CBARP: variants seen among roughly 807,000 people sequenced by gnomAD.
CBARP encodes CACN subunit beta associated regulatory protein.
In CBARP, 24 loss-of-function variants were observed where a neutral mutation model predicts 36.3. The ratio of observed to expected loss-of-function variants is 0.66; its 90% CI spans 0.48 to 0.93. The LOEUF is 0.93. CBARP is among the 40% of genes least tolerant of loss of function. CBARP has a pLI of 0.00. For synonymous variants in CBARP, 586 were observed against 453.2 expected (o/e 1.29, Z -3.72); for missense variants, 1,146 against 980.4 (o/e 1.17, Z -2.26).
At chr19:1,231,570 C>A (rs1308861030) in intron 8 of CBARP, among the ~76,000 whole-genome samples, 2 of 93,216 alleles carry the variant, frequency 2.1e-5, no homozygotes, top group Non-Finnish European at 2.3e-5. Flanking sequence ...GTGCCCCCCC[C>A]ACAGAACGCC....
At chr19:1,234,864 A>T (rs1488448378) in intron 5 of CBARP, 122 bp from the exon 6 acceptor site, 2 of 1,499,754 alleles carry the variant, frequency 1.3e-6, no homozygotes, top group South Asian at 2.6e-5. Context: ...CAACTGGCCA[A>T]GGCCGCCCCA....
At position 1,231,106 on chromosome 19, in the gene CBARP, G is replaced by A. The variant is rs758299866; in HGVS notation, c.1149C>T (p.Leu383=). 46 of 1,597,078 alleles carry A rather than the reference G, an allele frequency of 2.9e-5. No individual in the cohort carries two copies. Among genetic ancestry groups the A allele is most frequent in the Non-Finnish European group, 3.9e-5 (46 of 1,170,844 alleles). The change falls in exon 9 of 10, where the codon CTC becomes CTT. Residue 383 remains leucine, a synonymous_variant. Transcript: ENST00000650044. The part of the protein sequence containing the change: ...RPFLASPPPA[L]GRLEAAEAAG... ...CTCCATCTACTGAAAAATACCTGCC[G>A]AGAGCAGGGGGCGGGCTGGCCAGAA... is the stretch of plus-strand genomic sequence containing the variant.
intron 8 of CBARP, among the ~76,000 whole-genome samples, chr19:1,233,142 C>T (rs2080915833): frequency 6.6e-6 from 1 of 152,360 alleles, no homozygotes; most frequent in African/African-American, 2.4e-5. Flanking sequence ...ACCACCTCAT[C>T]CTGGATGCCC....
chr19:1,236,326 A>G lies in CBARP; in HGVS notation c.-21-205T>C, dbSNP rs563247509. ...GGCTCTCTCTGGACCTCCATCTCCC[A>G]TCCCCATGGCGGGGGAGGAGGCCTG... On this transcript the variant is annotated intron_variant, in intron 1 of 9. Coordinates refer to ENST00000650044, the MANE Select transcript of CBARP (RefSeq NM_001393918.1). Among the ~76,000 whole-genome samples, 433 of 152,258 alleles carry G rather than the reference A, an allele frequency of 2.8e-3. 1 individual carries two copies. Among genetic ancestry groups the G allele is most frequent in the Admixed American group, 4.0e-3 (61 of 15,304 alleles).
chr19:1,235,638 C>T (rs2080958829), intron 3 of CBARP, 73 bp from the exon 4 acceptor site: 5 of 1,583,290 alleles, frequency 3.2e-6, no homozygotes, highest in Non-Finnish European at 4.3e-6. Context: ...GCTCTTTGCC[C>T]CAAGCCAAGC....
rs199767020 is a variant in CBARP at position 1,236,064 on chromosome 19, T to C, written c.37A>G (p.Thr13Ala). Residue 13 changes from threonine to alanine, a missense_variant, in exon 2 of 10, where the codon ACC (threonine) becomes GCC (alanine). Physicochemically the swap from Thr to Ala is moderately conservative, Grantham distance 58 (BLOSUM62 0). Coordinates refer to ENST00000650044, the MANE Select transcript of CBARP (RefSeq NM_001393918.1). ...ACTGTGGCAGTGGTGGTGGTGGTGG[T>C]GGTGGCGGCTGTGGCCATGGTGGCT... ...PTATMATAATTTTTTTATVAL... is the reference protein window; with the variant it reads ...PTATMATAATATTTTTATVAL... 5.3e-6 allele frequency: 8 copies of C among 1,510,794 alleles called. 1 individual carries two copies. Among genetic ancestry groups the C allele is most frequent in the Admixed American group, 4.3e-5 (2 of 46,028 alleles). The allele number at this position is 1,510,794 out of a possible 1,614,324, so 93.6% of individuals were successfully genotyped here. A position where few individuals can be genotyped will look rare whatever the true frequency, so the allele number is the denominator to read the frequency against.
rs8110590 is a variant in CBARP at position 1,231,143 on chromosome 19, T to A, written c.1112A>T (p.His371Leu). ...CGGGCTGGCCAGAAAGGGGCGGGGGTGCGGGAAGGCCACGGCGTCGCCCGC... is the reference window on the plus strand; with the variant it reads ...CGGGCTGGCCAGAAAGGGGCGGGGGAGCGGGAAGGCCACGGCGTCGCCCGC... ...ARAGDAVAFP[H>L]PRPFLASPPP... The change falls in exon 9 of 10, where the codon CAC becomes CTC. Residue 371 changes from histidine to leucine, a missense_variant. Physicochemically the swap from His to Leu is moderately conservative, Grantham distance 99. Coordinates refer to ENST00000650044, the MANE Select transcript of CBARP (RefSeq NM_001393918.1). The A allele has an allele frequency of 1.9e-6, 3 of 1,597,574 alleles. No individual in the cohort carries two copies. The highest frequency in any genetic ancestry group is 2.6e-6 in the Non-Finnish European group (3 of 1,172,134).
Position 1,229,790 on chromosome 19 carries a change from T to A in CBARP, c.1507A>T (p.Ser503Cys), listed in dbSNP as rs1220416554. The change falls in exon 10 of 10, where the codon AGT becomes TGT. Residue 503 changes from serine to cysteine, a missense_variant. By Grantham distance (112) the Ser-to-Cys change is moderately radical (BLOSUM62 -1). Transcript: ENST00000650044. This position sits in a 1 kb window ranked among gnomAD's most constrained non-coding sequence, Gnocchi z 5.1. ...GEARRLLQMD[S>C]GYASIEGRGA... is the part of the protein sequence containing the mutation. Reference sequence around the variant, plus strand: ...CGGCCCTCGATGCTGGCGTAGCCACTGTCCATCTGCAGCAGCCGGCGCGCC... The same window carrying A: ...CGGCCCTCGATGCTGGCGTAGCCACAGTCCATCTGCAGCAGCCGGCGCGCC... 9.8e-7 allele frequency: 1 copy of A among 1,016,038 alleles called. No individual in the cohort carries two copies. The allele number at this position is 1,016,038 out of a possible 1,614,324, so 62.9% of individuals were successfully genotyped here. A position where few individuals can be genotyped will look rare whatever the true frequency, so the allele number is the denominator to read the frequency against.
rs1267044881 is a variant in CBARP at position 1,228,326 on chromosome 19, C to A, written c.*853G>T. 3.9e-6 allele frequency: 1 copy of A among 256,166 alleles called. No individual in the cohort carries two copies. The allele number at this position is 256,166 out of a possible 1,614,324, so 15.9% of individuals were successfully genotyped here. ...TTATATCATCCAGAAAAGAAAAACA[C>A]GAGAAACGCCATCGCGGGATGGTGC... On this transcript the variant is annotated 3_prime_UTR_variant, in exon 10 of 10. Transcript: ENST00000650044.
At position 1,235,528 on chromosome 19, in the gene CBARP, G is replaced by C; in HGVS notation, c.283C>G (p.Leu95Val). 1 of 1,605,778 alleles carries C rather than the reference G, an allele frequency of 6.2e-7. No homozygotes were observed. Among genetic ancestry groups the C allele is most frequent in the Non-Finnish European group, 8.5e-7 (1 of 1,176,966 alleles). The change falls in exon 4 of 10, where the codon CTG (leucine) becomes GTG (valine). Residue 95 changes from leucine to valine, a missense_variant. By Grantham distance (32) the Leu-to-Val change is conservative. Transcript: ENST00000650044. ...TGGGCTGGGTGGGTGCCGTTGTCCA[G>C]GTAGGTGGTGGTGGTCTTCTCCGCT... ...EEAEKTTTTY[L>V]DNGTHPAQDP...
Position 1,229,212 on chromosome 19 carries a change from G to A in CBARP, c.2085C>T (p.Ala695=). The stretch of plus-strand genomic sequence containing the variant: ...GGCTGTGGTCGGGGGACGTGGGGGC[G>A]GCGGCGACCAACGCGGGAGTCGCCA... ...PVVATPALVA[A]APTSPDHSPA is the part of the protein sequence containing the mutation. The change falls in exon 10 of 10, where the codon GCC becomes GCT. Residue 695 remains alanine (A), a synonymous_variant. Coordinates refer to ENST00000650044, the MANE Select transcript of CBARP (RefSeq NM_001393918.1). This position sits in a 1 kb window ranked among gnomAD's most constrained non-coding sequence, Gnocchi z 5.1. The A allele has an allele frequency of 2.5e-6, 3 of 1,210,544 alleles. No homozygotes were observed. Among genetic ancestry groups the A allele is most frequent in the South Asian group, 1.4e-5 (1 of 72,412 alleles). The allele number at this position is 1,210,544 out of a possible 1,614,324, so 75.0% of individuals were successfully genotyped here. A position where few individuals can be genotyped will look rare whatever the true frequency, so the allele number is the denominator to read the frequency against.
chr19:1,231,653 CCACA>C (rs113865789), intron 8 of CBARP, among the ~76,000 whole-genome samples: 1 of 148,206 alleles, frequency 6.7e-6, no homozygotes, highest in Non-Finnish European at 1.5e-5. Flanking sequence ...CCTGTGGCCC[CCACA>C]CACACACAAC....
rs1359440621 is a variant in CBARP at position 1,229,781 on chromosome 19, C to T, written c.1516G>A (p.Ala506Thr). ...CCTGCGCCGCGGCCCTCGATGCTGG[C>T]GTAGCCACTGTCCATCTGCAGCAGC... is the stretch of plus-strand genomic sequence containing the variant. ...RRLLQMDSGYASIEGRGAGDD... is the reference protein window; with the variant it reads ...RRLLQMDSGYTSIEGRGAGDD... Residue 506 changes from alanine to threonine, a missense_variant, in exon 10 of 10, where the codon GCC becomes ACC. By Grantham distance (58) the Ala-to-Thr change is moderately conservative (BLOSUM62 0). Transcript: ENST00000650044. The surrounding 1 kb of genome is among the most constrained non-coding windows in gnomAD (Gnocchi z 5.1). The T allele has an allele frequency of 2.0e-6, 2 of 1,018,754 alleles. No individual in the cohort carries two copies. The highest frequency in any genetic ancestry group is 5.3e-5 in the Admixed American group (1 of 18,890). The allele number at this position is 1,018,754 out of a possible 1,614,324, so 63.1% of individuals were successfully genotyped here. A position where few individuals can be genotyped will look rare whatever the true frequency, so the allele number is the denominator to read the frequency against.
chr19:1,237,159 C>T (rs903541673), intron 1 of CBARP, among the ~76,000 whole-genome samples: 15 of 152,228 alleles, frequency 9.9e-5, no homozygotes, highest in Admixed American at 4.6e-4. Flanking sequence ...CGCTCCTGCC[C>T]TTCCCGGACT....
Position 1,234,683 on chromosome 19 carries a change from T to C in CBARP, c.515A>G (p.His172Arg). The C allele has an allele frequency of 1.2e-6, 2 of 1,612,542 alleles. No individual in the cohort carries two copies. The highest frequency in any genetic ancestry group is 1.7e-6 in the Non-Finnish European group (2 of 1,179,628). Residue 172 changes from histidine (H) to arginine (R), a missense_variant, in exon 6 of 10, where the codon CAC becomes CGC. His to Arg is a conservative substitution (Grantham distance 29, BLOSUM62 0). Coordinates refer to ENST00000650044, the MANE Select transcript of CBARP (RefSeq NM_001393918.1). The part of the protein sequence containing the change: ...HLKNARLTHL[H>R]LPPLKIVTIH... Reference sequence around the variant, plus strand: ...GGTGACAATCTTGAGGGGCGGCAGGTGCAGGTGCGTGAGCCGGGCATTCTT... The same window carrying C: ...GGTGACAATCTTGAGGGGCGGCAGGCGCAGGTGCGTGAGCCGGGCATTCTT...
In CBARP at chr19:1,228,338, T is replaced by G; in HGVS notation, c.*841A>C. ...GAAAAGAAAAACACGAGAAACGCCA[T>G]CGCGGGATGGTGCAGACGCGGCGGG... On this transcript the variant is annotated 3_prime_UTR_variant, in exon 10 of 10. Transcript: ENST00000650044. 4.0e-6 allele frequency: 1 copy of G among 249,098 alleles called. No homozygotes were observed. Among genetic ancestry groups the G allele is most frequent in the Non-Finnish European group, 7.5e-6 (1 of 133,064 alleles). The allele number at this position is 249,098 out of a possible 1,614,324, so 15.4% of individuals were successfully genotyped here.
chr19:1,231,465 C>CCACA lies in CBARP; in HGVS notation c.980-194_980-191dup, dbSNP rs560495764. ...CACACATACAACGCCTGGGCCCCCCCCACACACAGAACGCCTGTGGCCCCC... is the reference window on the plus strand; with the variant it reads ...CACACATACAACGCCTGGGCCCCCCCCACACACACACAGAACGCCTGTGGCCCCC... On this transcript the variant is annotated intron_variant, in intron 8 of 9. Coordinates refer to ENST00000650044, the MANE Select transcript of CBARP (RefSeq NM_001393918.1). Among the ~76,000 whole-genome samples, 32 of 114,854 alleles carry CCACA rather than the reference C, an allele frequency of 2.8e-4. 2 individuals are homozygous for CCACA. In the East Asian group the frequency reaches 9.8e-3, roughly 35 times the overall value. The allele number at this position is 114,854 out of a possible 152,430, so 75.3% of individuals were successfully genotyped here. A position where few individuals can be genotyped will look rare whatever the true frequency, so the allele number is the denominator to read the frequency against.
At chr19:1,234,026 T>C (rs2080928435) in intron 7 of CBARP, among the ~76,000 whole-genome samples, 165 bp downstream of exon 7, 1 of 152,100 alleles carries the variant, frequency 6.6e-6, no homozygotes, top group South Asian at 2.1e-4. Context: ...CTGTGTCCGG[T>C]GTGCGGCCGG....
Position 1,233,412 on chromosome 19 carries a change from G to A in CBARP, c.979+14C>T, listed in dbSNP as rs765268615. 1.2e-5 allele frequency: 19 copies of A among 1,571,214 alleles called. No individual in the cohort carries two copies. Among genetic ancestry groups the A allele is most frequent in the Non-Finnish European group, 1.6e-5 (18 of 1,157,732 alleles). On this transcript the variant is annotated intron_variant, in intron 8 of 9. Transcript: ENST00000650044. ...CCCACAGGGGCCCACTCTCCACCAG[G>A]TGCTACAGCTCACCTCTCGTGTCCA...
Sources: gnomAD v4.1 joint callset for allele counts (sites outside exome capture counted in the v4.1 genomes callset) on GRCh38, gnomAD v4.1.1 for gene constraint, Gnocchi (gnomAD v3.1) non-coding constraint, MANE v1.5 for transcripts, NCBI Gene and HGNC (gene_info 2026-07-23, HGNC 2026-07-21) for gene names.